COL28A1: variants seen among roughly 807,000 people sequenced by gnomAD.
The protein encoded by COL28A1 is collagen type XXVIII alpha 1 chain, also known as collagen alpha-1(XXVIII) chain.
In COL28A1, 161 loss-of-function variants were observed where a neutral mutation model predicts 150.2. The observed-to-expected ratio is 1.07, with a 90% CI of 0.94 to 1.22. The LOEUF (loss-of-function observed/expected upper bound fraction) is 1.22, where lower values mean the gene tolerates loss of function less well. Ranked by LOEUF, COL28A1 falls within the 50% of genes most tolerant of loss-of-function variation. The pLI, the probability that COL28A1 is intolerant of heterozygous loss-of-function variation, is 0.00. For missense variants in COL28A1, 1,617 were observed against 1,388.3 expected, an observed-to-expected ratio of 1.16 and a Z score of -2.62; for synonymous variants, 552 against 469.7, an observed-to-expected ratio of 1.18 and a Z score of -2.26.
chr7:7,358,489 C>A lies in COL28A1; in HGVS notation c.*144G>T, dbSNP rs1271533002. On this transcript the variant is annotated 3_prime_UTR_variant, in exon 35 of 35. Coordinates refer to ENST00000399429, the MANE Select transcript of COL28A1 (RefSeq NM_001037763.3). ...ATAAGTGGTTAATAATATGTACATC[C>A]TAGGGCTGTAGTGAGAATTCAATTA... 2.9e-5 allele frequency: 22 copies of A among 764,490 alleles called. No individual in the cohort carries two copies. Among genetic ancestry groups the A allele is most frequent in the East Asian group, 2.1e-4 (8 of 38,302 alleles). The allele number at this position is 764,490 out of a possible 1,614,324, so 47.4% of individuals were successfully genotyped here. A position where few individuals can be genotyped will look rare whatever the true frequency, so the allele number is the denominator to read the frequency against.
intron 27 of COL28A1, among the ~76,000 whole-genome samples, chr7:7,382,355 A>G (rs1361298680): frequency 6.6e-6 from 1 of 152,058 alleles, no homozygotes; most frequent in East Asian, 1.9e-4. Flanking sequence ...AACGGGGAAA[A>G]GAGTATATAA....
chr7:7,527,500 G>A (rs34135882), intron 3 of COL28A1, among the ~76,000 whole-genome samples: 2,503 of 152,314 alleles, frequency 0.016, 32 homozygotes, highest in Non-Finnish European at 0.027. Context: ...CATTTAAAGG[G>A]AGTGGATGGA....
chr7:7,387,227 C>T lies in COL28A1; in HGVS notation c.2137-5615G>A, dbSNP rs369220803. Among the ~76,000 whole-genome samples, 37 of 152,106 alleles carry T rather than the reference C, an allele frequency of 2.4e-4. No individual in the cohort carries two copies. The East Asian group carries it at 4.8e-3, about 20-fold the overall frequency. On this transcript the variant is annotated intron_variant, in intron 27 of 34. Transcript: ENST00000399429. ...CCTGGGCCCAGATCTTTAGAGATGC[C>T]CTACTATTTGTGGAGGGTCAGGAAA... is the stretch of plus-strand genomic sequence containing the variant.
chr7:7,475,570 T>C (rs146855226), intron 14 of COL28A1, among the ~76,000 whole-genome samples: 131 of 152,362 alleles, frequency 8.6e-4, no homozygotes, highest in African/African-American at 3.0e-3. Context: ...TAATACCTCA[T>C]ATAATATAAA....
chr7:7,405,194 T>A (rs1320648152), intron 27 of COL28A1, among the ~76,000 whole-genome samples: 2 of 152,246 alleles, frequency 1.3e-5, no homozygotes, highest in Non-Finnish European at 2.9e-5. Context: ...TTCCTTTATA[T>A]GTAAAACAAA....
chr7:7,496,630 C>G (rs951593713), intron 11 of COL28A1, among the ~76,000 whole-genome samples: 13 of 152,140 alleles, frequency 8.5e-5, no homozygotes, highest in African/African-American at 3.1e-4. Flanking sequence ...CACTCCGTAT[C>G]CCTGGCACTG....
chr7:7,363,143 A>G (rs1163426546), intron 33 of COL28A1, among the ~76,000 whole-genome samples: 5 of 152,208 alleles, frequency 3.3e-5, no homozygotes, highest in Non-Finnish European at 4.4e-5. Flanking sequence ...TATCAAACAT[A>G]AAAGCCAACT....
intron 14 of COL28A1, among the ~76,000 whole-genome samples, chr7:7,474,881 C>T (rs1167787793): frequency 1.3e-5 from 2 of 152,106 alleles, no homozygotes; most frequent in Non-Finnish European, 2.9e-5. Context: ...AAGAAGGAAG[C>T]TATCCAAGCA....
At chr7:7,508,188 C>A (rs186287495) in intron 9 of COL28A1, among the ~76,000 whole-genome samples, 1 of 151,012 alleles carries the variant, frequency 6.6e-6, no homozygotes, top group African/African-American at 2.4e-5. Context: ...GCTGAGATCG[C>A]GCCACTGCAC....
At chr7:7,506,583 G>A (rs1205160939) in intron 10 of COL28A1, among the ~76,000 whole-genome samples, 2 of 152,134 alleles carry the variant, frequency 1.3e-5, no homozygotes, top group Non-Finnish European at 2.9e-5. Context: ...CTCACACAGA[G>A]CACCATTATA....
chr7:7,411,680 A>C (rs1783798681), intron 27 of COL28A1, among the ~76,000 whole-genome samples: 1 of 152,084 alleles, frequency 6.6e-6, no homozygotes, highest in Admixed American at 6.6e-5. Context: ...TCCTACCAAA[A>C]ACCCCAAGCC....
upstream of COL28A1, among the ~76,000 whole-genome samples, chr7:7,536,345 A>G (rs1285874180): frequency 6.6e-6 from 1 of 152,208 alleles, no homozygotes. Context: ...TATATAATAT[A>G]CAGGGAAAGA....
the COL28A1 span, among the ~76,000 whole-genome samples, chr7:7,345,285 A>T: frequency 7.2e-6 from 1 of 139,010 alleles, no homozygotes; most frequent in Non-Finnish European, 1.6e-5. Flanking sequence ...AGAAACTTTA[A>T]AAAAAAAGCA....
At chr7:7,394,397 C>A (rs920074002) in intron 27 of COL28A1, among the ~76,000 whole-genome samples, 3 of 152,174 alleles carry the variant, frequency 2.0e-5, no homozygotes, top group African/African-American at 7.2e-5. Context: ...TGCCAGCCTG[C>A]AATCCTATAT....
At chr7:7,398,043 C>G (rs563603362) in intron 27 of COL28A1, among the ~76,000 whole-genome samples, 211 of 152,216 alleles carry the variant, frequency 1.4e-3, no homozygotes, top group African/African-American at 4.9e-3. Flanking sequence ...GTGTTTATGC[C>G]TGCTTATAAT....
upstream of COL28A1, among the ~76,000 whole-genome samples, chr7:7,536,281 T>A (rs1782634718): frequency 6.6e-6 from 1 of 152,106 alleles, no homozygotes; most frequent in Non-Finnish European, 1.5e-5. Flanking sequence ...TAGGTGTGCA[T>A]TGTTCTAGTC....
upstream of COL28A1, among the ~76,000 whole-genome samples, chr7:7,538,509 C>T (rs888325128): frequency 6.6e-6 from 1 of 152,178 alleles, no homozygotes; most frequent in Non-Finnish European, 1.5e-5. Context: ...ATAAATTGCT[C>T]TTCTCCAAAG....
At chr7:7,492,273 C>T (rs954199920) in intron 11 of COL28A1, among the ~76,000 whole-genome samples, 5 of 152,018 alleles carry the variant, frequency 3.3e-5, no homozygotes, top group African/African-American at 1.2e-4. Context: ...AAAGACATTG[C>T]TTTACTATAA....
chr7:7,451,697 T>C (rs1278207847), intron 18 of COL28A1, among the ~76,000 whole-genome samples: 1 of 152,162 alleles, frequency 6.6e-6, no homozygotes, highest in Non-Finnish European at 1.5e-5. Flanking sequence ...GAGGCATATA[T>C]TACACATATG....
Sources: allele counts gnomAD v4.1 joint callset (sites outside exome capture counted in the v4.1 genomes callset), GRCh38; gene constraint gnomAD v4.1.1; transcripts MANE v1.5; gene names NCBI Gene and HGNC (gene_info 2026-07-23, HGNC 2026-07-21).